Variants in TMEM176A observed in about 807,000 individuals in gnomAD.
TMEM176A encodes transmembrane protein 176A.
A neutral mutation model predicts 27.9 loss-of-function variants in TMEM176A; 20 were observed. The ratio of observed to expected loss-of-function variants is 0.72; its 90% CI spans 0.50 to 1.04. The LOEUF (loss-of-function observed/expected upper bound fraction) is 1.04, where lower values mean the gene tolerates loss of function less well. Ranked by LOEUF, TMEM176A falls within the 50% of genes least tolerant of loss-of-function variation. TMEM176A has a pLI of 0.00. For synonymous variants in TMEM176A, 125 were observed against 118.0 expected (o/e 1.06, Z -0.38); for missense variants, 252 against 289.1 (o/e 0.87, Z 0.93).
chr7:150,801,618 T>C lies in TMEM176A; in HGVS notation c.68T>C (p.Ile23Thr). The C allele has an allele frequency of 6.2e-7, 1 of 1,613,474 alleles. No individual in the cohort carries two copies. The highest frequency in any genetic ancestry group is 8.5e-7 in the Non-Finnish European group (1 of 1,179,938). ...CAGCACACCCACATCGATGTGCACATCCACCAGGAGTCTGCCCTGGCCAAG... is the reference window on the plus strand; with the variant it reads ...CAGCACACCCACATCGATGTGCACACCCACCAGGAGTCTGCCCTGGCCAAG... ...APQHTHIDVH[I>T]HQESALAKLL... The change falls in exon 2 of 7, where the codon ATC becomes ACC. Residue 23 changes from isoleucine to threonine, a missense_variant. Physicochemically the swap from Ile to Thr is moderately conservative, Grantham distance 89. Coordinates refer to ENST00000004103, the MANE Select transcript of TMEM176A (RefSeq NM_018487.3).
Position 150,801,574 on chromosome 7 carries a change from G to A in TMEM176A, c.24G>A (p.Glu8=), listed in dbSNP as rs992777249. The A allele has an allele frequency of 1.9e-6, 3 of 1,608,186 alleles. No homozygotes were observed. The highest frequency in any genetic ancestry group is 3.4e-5 in the Admixed American group (2 of 58,340). ...CAATGGGAACAGCCGACAGTGATGA[G>A]ATGGCCCCGGAGGCCCCACAGCACA... The part of the protein sequence containing the change: MGTADSD[E]MAPEAPQHTH... Residue 8 remains glutamate, a synonymous_variant, in exon 2 of 7, where the codon GAG becomes GAA. Transcript: ENST00000004103.
Position 150,804,988 on chromosome 7 carries a change from C to G in TMEM176A, c.*120C>G. 9.3e-7 allele frequency: 1 copy of G among 1,080,630 alleles called. No individual in the cohort carries two copies. The highest frequency in any genetic ancestry group is 2.4e-5 in the East Asian group (1 of 42,392). 66.9% of individuals were successfully genotyped at this position (1,080,630 alleles called of 1,614,324 possible). The stretch of plus-strand genomic sequence containing the variant: ...TCTTCAACAGCCCCAGTTATCCTGG[C>G]CCCATGACCGTGGCCACAGCCCTGC... On this transcript the variant is annotated 3_prime_UTR_variant, in exon 7 of 7. Transcript: ENST00000004103.
Position 150,801,581 on chromosome 7 carries a change from C to G in TMEM176A, c.31C>G (p.Pro11Ala). 6.2e-7 allele frequency: 1 copy of G among 1,610,322 alleles called. No individual in the cohort carries two copies. The highest frequency in any genetic ancestry group is 8.5e-7 in the Non-Finnish European group (1 of 1,178,882). Reference sequence around the variant, plus strand: ...AACAGCCGACAGTGATGAGATGGCCCCGGAGGCCCCACAGCACACCCACAT... The same window carrying G: ...AACAGCCGACAGTGATGAGATGGCCGCGGAGGCCCCACAGCACACCCACAT... MGTADSDEMA[P>A]EAPQHTHIDV... The change falls in exon 2 of 7, where the codon CCG becomes GCG. Residue 11 changes from proline to alanine, a missense_variant. Transcript: ENST00000004103.
intron 5 of TMEM176A, 36 bp downstream of exon 5, chr7:150,803,868 G>T (rs774335421): frequency 6.2e-7 from 1 of 1,602,936 alleles, no homozygotes; most frequent in South Asian, 1.1e-5. Flanking sequence ...CAGCAGGTGG[G>T]GCAGGGATGG....
Position 150,802,275 on chromosome 7 carries a change from G to A in TMEM176A, c.235G>A (p.Asp79Asn), listed in dbSNP as rs868821109. ...AVLGGFFYIR[D>N]YTLLVTSGAA... Reference sequence around the variant, plus strand: ...CCTAGGAGGATTTTTCTACATCCGCGACTACACCCTCCTCGTCACCTCGGG... The same window carrying A: ...CCTAGGAGGATTTTTCTACATCCGCAACTACACCCTCCTCGTCACCTCGGG... Residue 79 changes from aspartate to asparagine, a missense_variant, in exon 3 of 7, where the codon GAC (aspartate) becomes AAC (asparagine). By Grantham distance (23) the Asp-to-Asn change is conservative. Coordinates refer to ENST00000004103, the MANE Select transcript of TMEM176A (RefSeq NM_018487.3). The A allele has an allele frequency of 1.9e-6, 3 of 1,613,242 alleles. No homozygotes were observed. Among genetic ancestry groups the A allele is most frequent in the African/African-American group, 1.3e-5 (1 of 74,680 alleles).
rs777468678 is a variant in TMEM176A at position 150,804,348 on chromosome 7, C to T, written c.556-14C>T. ...GTCATCCTGGTGCTTATGGCCTTGGCCCTCTGTCCCCAGGCCTTGTTCAGA... is the reference window on the plus strand; with the variant it reads ...GTCATCCTGGTGCTTATGGCCTTGGTCCTCTGTCCCCAGGCCTTGTTCAGA... On this transcript the variant is annotated splice_polypyrimidine_tract_variant and intron_variant, in intron 5 of 6. Transcript: ENST00000004103. The T allele has an allele frequency of 2.5e-6, 4 of 1,599,668 alleles. No homozygotes were observed. Among genetic ancestry groups the T allele is most frequent in the African/African-American group, 1.3e-5 (1 of 74,656 alleles).
At position 150,801,909 on chromosome 7, in the gene TMEM176A, G is replaced by A. The variant is rs1045956980; in HGVS notation, c.174+185G>A. 8.8e-6 allele frequency: 6 copies of A among 682,368 alleles called. No homozygotes were observed. The East Asian group carries it at 1.4e-4, about 16-fold the overall frequency. The allele number at this position is 682,368 out of a possible 1,614,324, so 42.3% of individuals were successfully genotyped here. The stretch of plus-strand genomic sequence containing the variant: ...AGGGGAGGCTCTGGGCTGAAGGGGT[G>A]TGGAGGAGCCACTGACCATGCAGAG... On this transcript the variant is annotated intron_variant, in intron 2 of 6. Transcript: ENST00000004103.
intron 2 of TMEM176A, 157 bp downstream of exon 2, chr7:150,801,881 G>T: frequency 1.2e-6 from 1 of 811,410 alleles, no homozygotes; most frequent in Non-Finnish European, 1.9e-6. Flanking sequence ...TAAGAGCCTG[G>T]GGAGGGGAGG....
At position 150,801,736 on chromosome 7, in the gene TMEM176A, G is replaced by A. The variant is rs751484244; in HGVS notation, c.174+12G>A. 2.3e-5 allele frequency: 35 copies of A among 1,499,266 alleles called. No individual in the cohort carries two copies. The East Asian group carries it at 7.0e-4, about 30-fold the overall frequency. The allele number at this position is 1,499,266 out of a possible 1,614,324, so 92.9% of individuals were successfully genotyped here. On this transcript the variant is annotated intron_variant, in intron 2 of 6. Transcript: ENST00000004103. ...TGGTGGCCTCGTGGGTGAGTGTGAC[G>A]GCCTGCCTCGTCGGGCGGCGGGAGG...
At position 150,803,427 on chromosome 7, in the gene TMEM176A, A is replaced by C. The variant is rs867158577; in HGVS notation, c.313A>C (p.Ile105Leu). The change falls in exon 4 of 7, where the codon ATT becomes CTT. Residue 105 changes from isoleucine to leucine, a missense_variant. Physicochemically the swap from Ile to Leu is conservative, Grantham distance 5 (BLOSUM62 2). Transcript: ENST00000004103. ...TGTGCTGGCTGGAGCTGCTGCCTTCATTTACGAGAAACGGGGTGGTACATA... is the reference window on the plus strand; with the variant it reads ...TGTGCTGGCTGGAGCTGCTGCCTTCCTTTACGAGAAACGGGGTGGTACATA... ...VAVLAGAAAF[I>L]YEKRGGTYWA... is the part of the protein sequence containing the mutation. The C allele has an allele frequency of 5.6e-6, 9 of 1,595,230 alleles. No individual in the cohort carries two copies. The African/African-American group carries it at 1.1e-4, about 19-fold the overall frequency.
intron 6 of TMEM176A, 79 bp from the exon 7 acceptor site, chr7:150,804,748 A>G: frequency 6.9e-7 from 1 of 1,440,910 alleles, no homozygotes; most frequent in Non-Finnish European, 9.8e-7. Flanking sequence ...TGGTAGCTCC[A>G]GAGCTAAGCT....
At position 150,804,941 on chromosome 7, in the gene TMEM176A, A is replaced by G. The variant is rs1223175507; in HGVS notation, c.*73A>G. On this transcript the variant is annotated 3_prime_UTR_variant, in exon 7 of 7. Coordinates refer to ENST00000004103, the MANE Select transcript of TMEM176A (RefSeq NM_018487.3). The stretch of plus-strand genomic sequence containing the variant: ...CCCTGCATCTGACTGCTGGAAGAAG[A>G]ACCAGACTGAGGAAAAGAGGCTCTT... 2.0e-6 allele frequency: 3 copies of G among 1,526,096 alleles called. No individual in the cohort carries two copies. Among genetic ancestry groups the G allele is most frequent in the Non-Finnish European group, 2.7e-6 (3 of 1,100,374 alleles). 94.5% of individuals were successfully genotyped at this position (1,526,096 alleles called of 1,614,324 possible). A position where few individuals can be genotyped will look rare whatever the true frequency, so the allele number is the denominator to read the frequency against.
chr7:150,803,496 G>T, intron 4 of TMEM176A, 40 bp downstream of exon 4: 1 of 1,575,432 alleles, frequency 6.3e-7, no homozygotes, highest in South Asian at 1.2e-5. Context: ...CCAGGTTCAG[G>T]CTGGAGGTCA....
At position 150,801,615 on chromosome 7, in the gene TMEM176A, ACATCCAC is replaced by A. The variant is rs1798790695; in HGVS notation, c.68_74del (p.Ile23ArgfsTer35). 6.2e-7 allele frequency: 1 copy of A among 1,613,592 alleles called. No homozygotes were observed. Among genetic ancestry groups the A allele is most frequent in the East Asian group, 2.2e-5 (1 of 44,848 alleles). ...CCACAGCACACCCACATCGATGTGC[ACATCCAC>A]CAGGAGTCTGCCCTGGCCAAGCTCC... On this transcript the variant is annotated frameshift_variant, in exon 2 of 7. Transcript: ENST00000004103. LOFTEE classifies it high-confidence loss of function.
rs1050558262 is a variant in TMEM176A at position 150,803,511 on chromosome 7, A to G, written c.342+55A>G. 9 of 1,574,498 alleles carry G rather than the reference A, an allele frequency of 5.7e-6. No individual in the cohort carries two copies. In the African/African-American group the frequency reaches 9.5e-5, roughly 17 times the overall value. ...CCAGGTTCAGGCTGGAGGTCACCCC[A>G]ATCTCCTGCCCTGTTGCAGGCTTCT... On this transcript the variant is annotated intron_variant, in intron 4 of 6. Transcript: ENST00000004103.
intron 4 of TMEM176A, 70 bp from the exon 5 acceptor site, chr7:150,803,550 T>G (rs560218530): frequency 5.7e-6 from 9 of 1,586,880 alleles, no homozygotes; most frequent in Admixed American, 1.7e-5. Flanking sequence ...GGCCTTGCCC[T>G]TTTTTCCCCC....
intron 5 of TMEM176A, among the ~76,000 whole-genome samples, chr7:150,804,102 C>G (rs531375899): frequency 6.6e-6 from 1 of 152,254 alleles, no homozygotes; most frequent in African/African-American, 2.4e-5. Flanking sequence ...TGCATGTTTT[C>G]CCTTGATCCT....
At chr7:150,801,438 G>A in intron 1 of TMEM176A, 98 bp from the exon 2 acceptor site, 2 of 1,268,434 alleles carry the variant, frequency 1.6e-6, no homozygotes, top group East Asian at 2.4e-5. Context: ...TTCATTGGGT[G>A]ACTTTGAGCC....
At chr7:150,802,064 C>T in intron 2 of TMEM176A, 151 bp from the exon 3 acceptor site, 2 of 626,724 alleles carry the variant, frequency 3.2e-6, no homozygotes, top group Non-Finnish European at 5.6e-6. Context: ...TTCTCCTCCT[C>T]TTTCTTCTCC....
Sources: gnomAD v4.1 joint callset for allele counts (sites outside exome capture counted in the v4.1 genomes callset) on GRCh38, gnomAD v4.1.1 for gene constraint, MANE v1.5 for transcripts, NCBI Gene and HGNC (gene_info 2026-07-23, HGNC 2026-07-21) for gene names.